PTGFRN: variants seen among roughly 807,000 people sequenced by gnomAD.
PTGFRN encodes prostaglandin F2 receptor inhibitor.
A neutral mutation model predicts 83.2 loss-of-function variants in PTGFRN; 35 were observed. That is an observed-to-expected ratio of 0.42 (90% CI 0.32 to 0.56). The LOEUF is 0.56. PTGFRN is among the 20% of genes least tolerant of loss of function. The pLI is 0.11. For synonymous variants in PTGFRN, 519 were observed against 498.6 expected (o/e 1.04, Z -0.55); for missense variants, 1,051 against 1,179.5 (o/e 0.89, Z 1.60).
In PTGFRN at chr1:116,984,998, C is replaced by G; in HGVS notation, c.2473+13C>G. ...GTGAAGATGGATGGTAAGAATGTCACCCAAATTTCTCAGTGTTTGGGAATG... is the reference window on the plus strand; with the variant it reads ...GTGAAGATGGATGGTAAGAATGTCAGCCAAATTTCTCAGTGTTTGGGAATG... On this transcript the variant is annotated intron_variant, in intron 8 of 8. Transcript: ENST00000393203. The G allele has an allele frequency of 6.2e-7, 1 of 1,606,592 alleles. No homozygotes were observed. Among genetic ancestry groups the G allele is most frequent in the South Asian group, 1.1e-5 (1 of 90,456 alleles).
intron 2 of PTGFRN, among the ~76,000 whole-genome samples, chr1:116,943,837 G>A (rs2101064628): frequency 6.6e-6 from 1 of 151,886 alleles, no homozygotes; most frequent in Admixed American, 6.5e-5. Context: ...GGAATTGGGG[G>A]GAAAAAAAAA....
chr1:116,967,137 A>G lies in PTGFRN; in HGVS notation c.1866A>G (p.Ala622=), dbSNP rs758437924. The G allele has an allele frequency of 7.4e-6, 12 of 1,614,226 alleles. No individual in the cohort carries two copies. The Admixed American group carries it at 1.7e-4, about 22-fold the overall frequency. Residue 622 remains alanine, a synonymous_variant, in exon 6 of 9, where the codon GCA becomes GCG. Transcript: ENST00000393203. ...SVVKLENWTD[A]SRVDGVVLEK... ...TGAAGCTGGAGAATTGGACAGATGC[A>G]TCACGGGTGGATGGCGTTGTTTTAG...
rs773664713 is a variant in PTGFRN at position 116,944,744 on chromosome 1, G to T, written c.484G>T (p.Gly162Trp). The T allele has an allele frequency of 2.7e-6, 4 of 1,490,168 alleles. No homozygotes were observed. In the African/African-American group the frequency reaches 5.8e-5, roughly 22 times the overall value. 92.3% of individuals were successfully genotyped at this position (1,490,168 alleles called of 1,614,324 possible). A position where few individuals can be genotyped will look rare whatever the true frequency, so the allele number is the denominator to read the frequency against. The change falls in exon 3 of 9, where the codon GGG becomes TGG. Residue 162 changes from glycine to tryptophan, a missense_variant. Physicochemically the swap from Gly to Trp is radical, Grantham distance 184. Around this residue, in one of 3 missense-constraint regions of PTGFRN, gnomAD observed 205 missense variants for 174.5 expected, o/e 1.17. Coordinates refer to ENST00000393203, the MANE Select transcript of PTGFRN (RefSeq NM_020440.4). ...RPPPSLSLRE[G>W]EPFELRCTAA... is the part of the protein sequence containing the mutation. Reference sequence around the variant, plus strand: ...CCCGCCGAGCCTGAGCCTGCGGGAGGGGGAGCCCTTCGAGCTGCGCTGCAC... The same window carrying T: ...CCCGCCGAGCCTGAGCCTGCGGGAGTGGGAGCCCTTCGAGCTGCGCTGCAC...
At position 116,944,724 on chromosome 1, in the gene PTGFRN, C is replaced by G. The variant is rs1650144242; in HGVS notation, c.464C>G (p.Pro155Arg). ...GTGGGCCCCAGCGCGCGGCCCCCGC[C>G]GAGCCTGAGCCTGCGGGAGGGGGAG... is the stretch of plus-strand genomic sequence containing the variant. ...LHVGPSARPP[P>R]SLSLREGEPF... The change falls in exon 3 of 9, where the codon CCG becomes CGG. Residue 155 changes from proline to arginine, a missense_variant. This residue lies in a region of PTGFRN where 205 missense variants were observed against 174.5 expected (regional missense o/e 1.17). Transcript: ENST00000393203. 8 of 1,460,796 alleles carry G rather than the reference C, an allele frequency of 5.5e-6. No homozygotes were observed. Among genetic ancestry groups the G allele is most frequent in the Middle Eastern group, 2.6e-4 (1 of 3,912 alleles). 90.5% of individuals were successfully genotyped at this position (1,460,796 alleles called of 1,614,324 possible).
Position 116,941,856 on chromosome 1 carries a change from G to A in PTGFRN, c.191G>A (p.Gly64Glu). Residue 64 changes from glycine (G) to glutamate (E), a missense_variant, in exon 2 of 9, where the codon GGG becomes GAG. Around this residue, in one of 3 missense-constraint regions of PTGFRN, gnomAD observed 127 missense variants for 168.4 expected, o/e 0.75. Coordinates refer to ENST00000393203, the MANE Select transcript of PTGFRN (RefSeq NM_020440.4). The surrounding 1 kb of genome is among the most constrained non-coding windows in gnomAD (Gnocchi z 5.0). ...TTTGACTGGAGCTTCTCATCTTTGG[G>A]GAGCAGCTTTGTGGAGCTTGCAAGC... ...QNFDWSFSSL[G>E]SSFVELASTW... is the part of the protein sequence containing the mutation. The A allele has an allele frequency of 6.2e-7, 1 of 1,614,166 alleles. No homozygotes were observed. Among genetic ancestry groups the A allele is most frequent in the Non-Finnish European group, 8.5e-7 (1 of 1,180,024 alleles).
rs10801922 is a variant in PTGFRN at position 116,986,836 on chromosome 1, G to A, written c.2509G>A (p.Val837Ile). 745,663 of 1,613,612 alleles carry A rather than the reference G, an allele frequency of 0.46. 176,718 individuals are homozygous for A. Among genetic ancestry groups the A allele is most frequent in the East Asian group, 0.65 (29,122 of 44,840 alleles). ...CTTCAAGTATCCCTTGCTGATCGGC[G>A]TCGGTCTGTCCACGGTCATCGGGCT... is the stretch of plus-strand genomic sequence containing the variant. ...NAFKYPLLIG[V>I]GLSTVIGLLS... Residue 837 changes from valine to isoleucine, a missense_variant, in exon 9 of 9, where the codon GTC becomes ATC. Val to Ile is a conservative substitution (Grantham distance 29). This residue lies in a region of PTGFRN where 719 missense variants were observed against 836.6 expected (regional missense o/e 0.86). Coordinates refer to ENST00000393203, the MANE Select transcript of PTGFRN (RefSeq NM_020440.4).
intron 4 of PTGFRN, among the ~76,000 whole-genome samples, chr1:116,950,991 T>A (rs1418265691): frequency 6.6e-6 from 1 of 152,224 alleles, no homozygotes; most frequent in African/African-American, 2.4e-5. Context: ...AGAAGATTTT[T>A]CATCTCTGGA....
Position 116,987,237 on chromosome 1 carries a change from A to ATT in PTGFRN, c.*277_*278dup, listed in dbSNP as rs3841437. 8.6e-5 allele frequency: 30 copies of ATT among 348,752 alleles called. No homozygotes were observed. The highest frequency in any genetic ancestry group is 2.5e-4 in the South Asian group (7 of 28,292). 21.6% of individuals were successfully genotyped at this position (348,752 alleles called of 1,614,324 possible). ...CTTTTTAATGGTTAACCTTCATCTA[A>ATT]TTTTTTTTCTCCCACTGGTTTATAG... On this transcript the variant is annotated 3_prime_UTR_variant, in exon 9 of 9. Transcript: ENST00000393203.
chr1:116,917,953 C>T (rs558815645), intron 1 of PTGFRN, among the ~76,000 whole-genome samples: 1 of 152,196 alleles, frequency 6.6e-6, no homozygotes, highest in African/African-American at 2.4e-5. Context: ...AAAGTTTCCT[C>T]TGTGTCCCTC....
At chr1:116,926,761 A>G (rs534353019) in intron 1 of PTGFRN, among the ~76,000 whole-genome samples, 18 of 152,320 alleles carry the variant, frequency 1.2e-4, no homozygotes, top group Middle Eastern at 3.4e-3. Context: ...TTACTGTGTT[A>G]GGATTCCATT....
chr1:116,950,635 C>T (rs1277959239), intron 4 of PTGFRN, among the ~76,000 whole-genome samples: 7 of 152,028 alleles, frequency 4.6e-5, no homozygotes, highest in Admixed American at 2.0e-4. Context: ...GTGGCATATT[C>T]GCTCTCCTTT....
chr1:116,930,328 G>A (rs1649762565), intron 1 of PTGFRN, among the ~76,000 whole-genome samples: 1 of 152,094 alleles, frequency 6.6e-6, no homozygotes, highest in African/African-American at 2.4e-5. Flanking sequence ...TTCTGCTCAT[G>A]CCTTAAACAT....
chr1:116,934,819 GC>G (rs937107471), intron 1 of PTGFRN, among the ~76,000 whole-genome samples: 1 of 152,050 alleles, frequency 6.6e-6, no homozygotes, highest in African/African-American at 2.4e-5. Context: ...TTCCTAACAG[GC>G]CAGTAGAGTA....
rs1442529674 is a variant in PTGFRN at position 116,974,293 on chromosome 1, A to G, written c.2137A>G (p.Ile713Val). Reference protein sequence around the residue: ...RGDLIKLFCIITVEGAALDPD... With the variant: ...RGDLIKLFCIVTVEGAALDPD... Reference sequence around the variant, plus strand: ...AGATCTGATCAAATTGTTCTGTATCATCACTGTCGAGGGAGCAGCACTGGA... The same window carrying G: ...AGATCTGATCAAATTGTTCTGTATCGTCACTGTCGAGGGAGCAGCACTGGA... Residue 713 changes from isoleucine (I) to valine (V), a missense_variant, in exon 7 of 9, where the codon ATC (isoleucine) becomes GTC (valine). Physicochemically the swap from Ile to Val is conservative, Grantham distance 29. Transcript: ENST00000393203. 9 of 1,612,578 alleles carry G rather than the reference A, an allele frequency of 5.6e-6. No individual in the cohort carries two copies. Among genetic ancestry groups the G allele is most frequent in the Non-Finnish European group, 7.6e-6 (9 of 1,178,582 alleles).
chr1:116,960,290 G>C (rs1024702971), intron 4 of PTGFRN, among the ~76,000 whole-genome samples: 27 of 152,202 alleles, frequency 1.8e-4, no homozygotes, highest in Non-Finnish European at 4.4e-5. Flanking sequence ...CGAGTAATCA[G>C]GTGTAGAGGA....
At chr1:116,969,086 AAATTT>A in intron 6 of PTGFRN, among the ~76,000 whole-genome samples, 1 of 149,194 alleles carries the variant, frequency 6.7e-6, no homozygotes, top group South Asian at 2.1e-4. Context: ...TTGAAACATC[AAATTT>A]TTAAATTTTG....
chr1:116,982,797 G>C (rs1651356677), intron 7 of PTGFRN, among the ~76,000 whole-genome samples: 1 of 152,206 alleles, frequency 6.6e-6, no homozygotes, highest in South Asian at 2.1e-4. Flanking sequence ...CACAGGCTGA[G>C]TGGCAAAGAA....
chr1:116,956,731 A>G (rs1557742562), intron 4 of PTGFRN, among the ~76,000 whole-genome samples: 1 of 152,202 alleles, frequency 6.6e-6, no homozygotes, highest in Non-Finnish European at 1.5e-5. Context: ...TGGGAGGTTT[A>G]TGGAGCAGAT....
intron 3 of PTGFRN, 115 bp downstream of exon 3, chr1:116,945,207 A>G: frequency 7.6e-7 from 1 of 1,307,594 alleles, no homozygotes. Flanking sequence ...TCTGCTTCCC[A>G]TGTGAGGCCT....
Sources: allele counts gnomAD v4.1 joint callset (sites outside exome capture counted in the v4.1 genomes callset), GRCh38; gene constraint gnomAD v4.1.1; regional missense constraint gnomAD v4.1.1; non-coding constraint Gnocchi (gnomAD v3.1); transcripts MANE v1.5; gene names NCBI Gene and HGNC (gene_info 2026-07-23, HGNC 2026-07-21).